Variants in MECOM observed in about 807,000 individuals in gnomAD.
MECOM encodes MDS1 and EVI1 complex locus.
MECOM carries 13 observed loss-of-function variants against 116.3 expected under a neutral mutation model. That is an observed-to-expected ratio of 0.11 (90% CI 0.07 to 0.18). MECOM has a LOEUF of 0.18. MECOM is among the 10% of genes least tolerant of loss of function. The pLI is 1.00. For synonymous variants in MECOM, 528 were observed against 535.2 expected, an observed-to-expected ratio of 0.99 and a Z score of 0.19; for missense variants, 1,299 against 1,509.0, an observed-to-expected ratio of 0.86 and a Z score of 2.31.
At chr3:169,146,386 C>G in intron 2 of MECOM, 1 of 1,388,406 alleles carries the variant, frequency 7.2e-7, no homozygotes, top group Non-Finnish European at 9.6e-7. Context: ...CTTGTGCGTC[C>G]CCGAAACCGA....
chr3:169,097,822 A>T (rs1161480590), intron 12 of MECOM, among the ~76,000 whole-genome samples: 809 of 69,046 alleles, frequency 0.012, 18 homozygotes, highest in Non-Finnish European at 0.015. Flanking sequence ...CTATATAAAA[A>T]AAAAAAAAAA....
chr3:169,210,077 A>T (rs966075790), intron 2 of MECOM, among the ~76,000 whole-genome samples: 2 of 152,186 alleles, frequency 1.3e-5, no homozygotes, highest in Admixed American at 6.5e-5. Context: ...GCTGGAAGCC[A>T]TCATCTTCAG....
chr3:169,617,594 A>G (rs961287089), intron 1 of MECOM, among the ~76,000 whole-genome samples: 1 of 152,214 alleles, frequency 6.6e-6, no homozygotes, highest in African/African-American at 2.4e-5. Flanking sequence ...TTAGAGCAAC[A>G]ACCAAAGCAG....
chr3:169,476,900 T>C (rs1387346915), intron 1 of MECOM: 1 of 150,236 alleles, frequency 6.7e-6, no homozygotes, highest in East Asian at 1.9e-4. Flanking sequence ...CATGTTCCAC[T>C]GATGAGAAAA....
intron 2 of MECOM, among the ~76,000 whole-genome samples, chr3:169,335,334 G>C (rs1314397851): frequency 6.6e-6 from 1 of 152,110 alleles, no homozygotes; most frequent in Non-Finnish European, 1.5e-5. Context: ...TTTTGAACTA[G>C]GAAAGAAGGC....
In MECOM at chr3:169,373,874, CATCCATTCTTTCATTT is replaced by C. The variant is rs569256680; in HGVS notation, c.375+7297_375+7312del. On this transcript the variant is annotated intron_variant, in intron 2 of 16. Coordinates refer to ENST00000651503, the MANE Select transcript of MECOM (RefSeq NM_004991.4). ...AGAGTCACATAATCCTATATTCATC[CATCCATTCTTTCATTT>C]ATCCATTCATTCACTCATTTATTTA... Among the ~76,000 whole-genome samples the C allele has an allele frequency of 2.7e-4, 41 of 152,032 alleles. No homozygotes were observed. The East Asian group carries it at 6.2e-3, about 23-fold the overall frequency.
chr3:169,441,065 T>C (rs996677604), intron 1 of MECOM, among the ~76,000 whole-genome samples: 2 of 152,164 alleles, frequency 1.3e-5, no homozygotes, highest in Non-Finnish European at 2.9e-5. Context: ...GGAATACAGA[T>C]AACAATGAGT....
intron 1 of MECOM, among the ~76,000 whole-genome samples, chr3:169,637,060 A>G (rs1772875473): frequency 1.3e-5 from 2 of 152,086 alleles, no homozygotes; most frequent in African/African-American, 2.4e-5. Flanking sequence ...ACACAGCATG[A>G]CTCCAATGTT....
chr3:169,562,192 A>G (rs1762740011), intron 1 of MECOM, among the ~76,000 whole-genome samples: 1 of 147,664 alleles, frequency 6.8e-6, no homozygotes, highest in South Asian at 2.2e-4. Flanking sequence ...AAAAAGATAG[A>G]AAAAGAAACA....
chr3:169,388,753 G>A (rs142840143), intron 1 of MECOM, among the ~76,000 whole-genome samples: 1 of 152,240 alleles, frequency 6.6e-6, no homozygotes, highest in East Asian at 1.9e-4. Context: ...CTCTAGATAC[G>A]ACCATTATGT....
chr3:169,524,473 CTT>C (rs1215047793), intron 1 of MECOM, among the ~76,000 whole-genome samples: 18 of 152,336 alleles, frequency 1.2e-4, no homozygotes, highest in African/African-American at 4.3e-4. Flanking sequence ...CATGGACACT[CTT>C]TTCTGTTTTC....
chr3:169,122,468 G>T, intron 6 of MECOM, 112 bp downstream of exon 6: 1 of 1,241,752 alleles, frequency 8.1e-7, no homozygotes, highest in Non-Finnish European at 1.1e-6. Flanking sequence ...CTTTTCTCAA[G>T]ATATTTATAG....
At chr3:169,445,220 C>T (rs1343144959) in intron 1 of MECOM, among the ~76,000 whole-genome samples, 2 of 152,134 alleles carry the variant, frequency 1.3e-5, no homozygotes, top group Non-Finnish European at 2.9e-5. Flanking sequence ...TGTCAGAGAC[C>T]TTCATGGCAG....
At chr3:169,118,245 T>C (rs1305747975) in intron 7 of MECOM, among the ~76,000 whole-genome samples, 1 of 152,214 alleles carries the variant, frequency 6.6e-6, no homozygotes, top group African/African-American at 2.4e-5. Flanking sequence ...GGTTAAAGTG[T>C]ATTGTTGCAT....
At chr3:169,238,681 A>T (rs17548815) in intron 2 of MECOM, among the ~76,000 whole-genome samples, 2,552 of 152,304 alleles carry the variant, frequency 0.017, 37 homozygotes, top group Non-Finnish European at 0.021. Context: ...CATAAGGCAT[A>T]AAGCTGATTC....
intron 1 of MECOM, among the ~76,000 whole-genome samples, chr3:169,650,032 A>T (rs1367558652): frequency 6.6e-6 from 1 of 152,260 alleles, no homozygotes; most frequent in Non-Finnish European, 1.5e-5. Flanking sequence ...TTTAATCAAC[A>T]ACATCATTGC....
rs1299595389 is a variant in MECOM at position 169,263,101 on chromosome 3, A to G, written c.375+118086T>C. On this transcript the variant is annotated intron_variant, in intron 2 of 16. Transcript: ENST00000651503. ...GCTATATATATATATATATATATATATATATATATATATATATATATATAT... is the reference window on the plus strand; with the variant it reads ...GCTATATATATATATATATATATATGTATATATATATATATATATATATAT... Among the ~76,000 whole-genome samples, 79 of 69,392 alleles carry G rather than the reference A, an allele frequency of 1.1e-3. 2 individuals carry two copies. Among genetic ancestry groups the G allele is most frequent in the African/African-American group, 5.6e-3 (67 of 11,988 alleles). 45.5% of individuals were successfully genotyped at this position (69,392 alleles called of 152,430 possible). A position where few individuals can be genotyped will look rare whatever the true frequency, so the allele number is the denominator to read the frequency against.
Position 169,116,576 on chromosome 3 carries a change from A to G in MECOM, c.1296T>C (p.His432=), listed in dbSNP as rs1442654075. The G allele has an allele frequency of 1.2e-6, 2 of 1,614,174 alleles. No homozygotes were observed. Among genetic ancestry groups the G allele is most frequent in the Non-Finnish European group, 8.5e-7 (1 of 1,180,024 alleles). The change falls in exon 8 of 17, where the codon CAT becomes CAC. Residue 432 remains histidine, a synonymous_variant. Transcript: ENST00000651503. The part of the protein sequence containing the change: ...KHRRFCEGKN[H]FAAGGFFGQG... ...GGCCAAAAAATCCACCTGCCGCAAAATGGTTCTTGCCCTCACAAAACCTCC... is the reference window on the plus strand; with the variant it reads ...GGCCAAAAAATCCACCTGCCGCAAAGTGGTTCTTGCCCTCACAAAACCTCC...
intron 2 of MECOM, among the ~76,000 whole-genome samples, chr3:169,378,507 AAGAAAGAAAAGAAAGAAAGAAAG>A (rs1560197860): frequency 6.6e-5 from 2 of 30,106 alleles, no homozygotes; most frequent in African/African-American, 2.2e-4. Context: ...GAAAGAAAGA[AAGAAAGAAAAGAAAGAAAGAAAG>A]AAAGAAAGAA....
Sources: gnomAD v4.1 joint callset for allele counts (sites outside exome capture counted in the v4.1 genomes callset) on GRCh38, gnomAD v4.1.1 for gene constraint, MANE v1.5 for transcripts, NCBI Gene and HGNC (gene_info 2026-07-23, HGNC 2026-07-21) for gene names.